HELZ: variants seen among roughly 807,000 people sequenced by gnomAD.
HELZ encodes ATP-dependent RNA helicase with zinc finger domain.
A neutral mutation model predicts 218.2 loss-of-function variants in HELZ; 23 were observed. The observed-to-expected ratio is 0.11, with a 90% CI of 0.08 to 0.15. The LOEUF (loss-of-function observed/expected upper bound fraction) is 0.15. Among genes scored for constraint, HELZ ranks in the 10% least tolerant of loss-of-function variants. HELZ has a pLI of 1.00. For synonymous variants in HELZ, 814 were observed against 829.4 expected, an observed-to-expected ratio of 0.98 and a Z score of 0.32; for missense variants, 1,813 against 2,353.7, an observed-to-expected ratio of 0.77 and a Z score of 4.75.
At chr17:67,221,344 T>C (rs1598448516) in intron 3 of HELZ, among the ~76,000 whole-genome samples, 1 of 152,116 alleles carries the variant, frequency 6.6e-6, no homozygotes, top group Admixed American at 6.5e-5. Context: ...ACTACTAATA[T>C]AGACAAGCAT....
intron 3 of HELZ, chr17:67,225,010 A>T: frequency 1.5e-6 from 1 of 687,636 alleles, no homozygotes; most frequent in Non-Finnish European, 2.7e-6. Context: ...CTGGAAGGAG[A>T]TAAGAGAAAG....
Position 67,150,965 on chromosome 17 carries a change from A to C in HELZ, c.2356+81T>G. On this transcript the variant is annotated intron_variant, in intron 18 of 32. Transcript: ENST00000358691. ...ACAGTCAGTGAGCCAGATTTGGCCCACACACTGTAGTTTGCCAATCCCAGT... is the reference window on the plus strand; with the variant it reads ...ACAGTCAGTGAGCCAGATTTGGCCCCCACACTGTAGTTTGCCAATCCCAGT... 2.4e-6 allele frequency: 3 copies of C among 1,227,352 alleles called. No homozygotes were observed. In the South Asian group the frequency reaches 4.4e-5, roughly 18 times the overall value. 76.0% of individuals were successfully genotyped at this position (1,227,352 alleles called of 1,614,324 possible).
rs1010825975 is a variant in HELZ at position 67,198,068 on chromosome 17, C to T, written c.430-2598G>A. On this transcript the variant is annotated intron_variant, in intron 7 of 32. Coordinates refer to ENST00000358691, the MANE Select transcript of HELZ (RefSeq NM_014877.4). ...CTAGCCCTTCAAATGATTCTATTTA[C>T]ATAACATATATAAATAGATAGGCTA... Among the ~76,000 whole-genome samples the T allele has an allele frequency of 5.9e-5, 9 of 152,104 alleles. 1 individual carries two copies. Among genetic ancestry groups the T allele is most frequent in the Admixed American group, 5.9e-4 (9 of 15,260 alleles).
chr17:67,236,394 C>A (rs2041186520), intron 3 of HELZ, among the ~76,000 whole-genome samples: 1 of 151,944 alleles, frequency 6.6e-6, no homozygotes, highest in Admixed American at 6.6e-5. Context: ...AACACTGATA[C>A]CCCTTAACAT....
rs192321517 is a variant in HELZ, at chr17:67,235,659, T to C, written c.-19+3774A>G. ...AAAGGGGCTCACAGCAGATGCCCAA[T>C]AAATACTTGCTGAACTGAATCCTGG... On this transcript the variant is annotated intron_variant, in intron 3 of 32. Transcript: ENST00000358691. 8.5e-4 allele frequency among the ~76,000 whole-genome samples: 128 copies of C among 150,630 alleles called. 1 individual carries two copies. In the Middle Eastern group the frequency reaches 0.01, roughly 12 times the overall value.
At chr17:67,243,607 G>T (rs2041386335) in intron 2 of HELZ, among the ~76,000 whole-genome samples, 177 bp downstream of exon 2, 1 of 152,132 alleles carries the variant, frequency 6.6e-6, no homozygotes, top group Non-Finnish European at 1.5e-5. Flanking sequence ...GAAAAGATTG[G>T]TACATTCAAC....
chr17:67,169,341 T>C (rs936321126), intron 13 of HELZ, among the ~76,000 whole-genome samples: 4 of 152,102 alleles, frequency 2.6e-5, no homozygotes, highest in African/African-American at 7.2e-5. Flanking sequence ...ATAGAAAGTC[T>C]AAGATCAAGG....
Position 67,071,143 on chromosome 17 carries a change from A to G in HELZ, c.*7109T>C, listed in dbSNP as rs2035876367. On this transcript the variant is annotated 3_prime_UTR_variant, in exon 33 of 33. Transcript: ENST00000358691. ...TTTATGGGGTTTAAAGAATCAGGTC[A>G]GATGACTGGCACAGAAATCAGATAC... 1 of 152,608 alleles carries G rather than the reference A, an allele frequency of 6.6e-6. No homozygotes were observed. The highest frequency in any genetic ancestry group is 6.5e-5 in the Admixed American group (1 of 15,294). The allele number at this position is 152,608 out of a possible 1,614,324, so 9.5% of individuals were successfully genotyped here.
chr17:67,119,080 G>A (rs1447252633), intron 27 of HELZ, among the ~76,000 whole-genome samples: 2 of 152,086 alleles, frequency 1.3e-5, no homozygotes, highest in Admixed American at 1.3e-4. Flanking sequence ...AAATGGTTCA[G>A]CCACTTTTGA....
intron 13 of HELZ, among the ~76,000 whole-genome samples, chr17:67,174,868 C>T (rs567341428): frequency 9.2e-5 from 14 of 152,238 alleles, no homozygotes; most frequent in East Asian, 1.9e-4. Context: ...CATACATTCT[C>T]GGGACCTTGG....
At chr17:67,244,419 C>T (rs16960736) in intron 1 of HELZ, 34,321 of 182,970 alleles carry the variant, frequency 0.19, 3,389 homozygotes, top group African/African-American at 0.26. Context: ...CAGAAGGCTC[C>T]AATAATTTAG....
chr17:67,226,578 G>A (rs1189147452), intron 3 of HELZ, among the ~76,000 whole-genome samples: 1 of 152,066 alleles, frequency 6.6e-6, no homozygotes, highest in Non-Finnish European at 1.5e-5. Flanking sequence ...CTGGAAAAAG[G>A]GTTTGCAGCT....
chr17:67,119,993 CTTTTTTTTTTTT>C lies in HELZ; in HGVS notation c.3838+400_3838+411del, dbSNP rs56893875. 4.7e-4 allele frequency: 76 copies of C among 162,002 alleles called. 1 individual carries two copies. Among genetic ancestry groups the C allele is most frequent in the African/African-American group, 1.7e-3 (26 of 14,868 alleles). The allele number at this position is 162,002 out of a possible 1,614,324, so 10.0% of individuals were successfully genotyped here. A position where few individuals can be genotyped will look rare whatever the true frequency, so the allele number is the denominator to read the frequency against. On this transcript the variant is annotated intron_variant, in intron 27 of 32. Transcript: ENST00000358691. ...TTATATGTTAGATTCTCTCCCTTTT[CTTTTTTTTTTTT>C]TTTTTTTTTTTTTTTTGAGATGGAG...
At chr17:67,244,930 G>A in intron 1 of HELZ, 1 of 986,074 alleles carries the variant, frequency 1.0e-6, no homozygotes, top group South Asian at 4.7e-5. Flanking sequence ...AGGGGACTAA[G>A]TAGGGGAAGA....
chr17:67,139,129 T>C (rs910509299), intron 21 of HELZ, among the ~76,000 whole-genome samples: 4 of 151,962 alleles, frequency 2.6e-5, no homozygotes, highest in African/African-American at 9.7e-5. Flanking sequence ...TAATAAAAAT[T>C]GACAATTTTC....
Position 67,125,667 on chromosome 17 carries a change from C to T in HELZ, c.3388-1653G>A, listed in dbSNP as rs1242202240. Among the ~76,000 whole-genome samples, 8 of 152,000 alleles carry T rather than the reference C, an allele frequency of 5.3e-5. No individual in the cohort carries two copies. The East Asian group carries it at 1.5e-3, about 29-fold the overall frequency. ...AATCAGAGTGTGGCAGGCAGAATAG[C>T]CCCTGCAAAGAGGCCCACATCCTAA... On this transcript the variant is annotated intron_variant, in intron 24 of 32. Coordinates refer to ENST00000358691, the MANE Select transcript of HELZ (RefSeq NM_014877.4).
At chr17:67,181,665 A>G (rs1436461337) in intron 12 of HELZ, among the ~76,000 whole-genome samples, 1 of 152,148 alleles carries the variant, frequency 6.6e-6, no homozygotes, top group Non-Finnish European at 1.5e-5. Context: ...ATGACTTTAA[A>G]CACAGTGCAG....
rs1484467486 is a variant in HELZ, at chr17:67,188,248, A to G, written c.1162+71T>C. The G allele has an allele frequency of 1.5e-6, 2 of 1,358,654 alleles. No homozygotes were observed. The highest frequency in any genetic ancestry group is 2.0e-6 in the Non-Finnish European group (2 of 984,544). The allele number at this position is 1,358,654 out of a possible 1,614,324, so 84.2% of individuals were successfully genotyped here. A position where few individuals can be genotyped will look rare whatever the true frequency, so the allele number is the denominator to read the frequency against. Reference sequence around the variant, plus strand: ...CTCTTCCTATCCATGGAATATATTCAGGGGCCAATACATATCTTTGAATGT... The same window carrying G: ...CTCTTCCTATCCATGGAATATATTCGGGGGCCAATACATATCTTTGAATGT... On this transcript the variant is annotated intron_variant, in intron 12 of 32. Coordinates refer to ENST00000358691, the MANE Select transcript of HELZ (RefSeq NM_014877.4). The surrounding 1 kb of genome is among the most constrained non-coding windows in gnomAD (Gnocchi z 4.1).
intron 12 of HELZ, among the ~76,000 whole-genome samples, chr17:67,182,090 T>G (rs1288506937): frequency 1.3e-5 from 2 of 152,166 alleles, no homozygotes; most frequent in African/African-American, 4.8e-5. Context: ...CCTGAGCCAG[T>G]GCATCCTTGG....
Sources: gnomAD v4.1 joint callset for allele counts (sites outside exome capture counted in the v4.1 genomes callset) on GRCh38, gnomAD v4.1.1 for gene constraint, Gnocchi (gnomAD v3.1) non-coding constraint, MANE v1.5 for transcripts, NCBI Gene and HGNC (gene_info 2026-07-23, HGNC 2026-07-21) for gene names.